CSMD3: variants seen among roughly 807,000 people sequenced by gnomAD.
CSMD3 encodes the protein CUB and sushi domain-containing protein 3.
A neutral mutation model predicts 435.2 loss-of-function variants in CSMD3; 177 were observed. The ratio of observed to expected loss-of-function variants is 0.41; its 90% CI spans 0.36 to 0.46. The LOEUF (loss-of-function observed/expected upper bound fraction) is 0.46, where lower values mean the gene tolerates loss of function less well. Among genes scored for constraint, CSMD3 ranks in the 20% least tolerant of loss-of-function variants. The probability of loss-of-function intolerance (pLI) is 0.34; values close to 1 mark genes in which losing one functional copy is unlikely to be tolerated. For synonymous variants in CSMD3, 1,656 were observed against 1,520.5 expected, an observed-to-expected ratio of 1.09 and a Z score of -2.07; for missense variants, 4,265 against 4,504.6, an observed-to-expected ratio of 0.95 and a Z score of 1.52.
At chr8:112,902,142 C>T (rs146471636) in intron 10 of CSMD3, among the ~76,000 whole-genome samples, 271 of 151,358 alleles carry the variant, frequency 1.8e-3, no homozygotes, top group Middle Eastern at 0.014. Context: ...GTTTTACCCA[C>T]TGGGCTTCTG....
intron 3 of CSMD3, among the ~76,000 whole-genome samples, chr8:113,179,974 A>G (rs987456477): frequency 2.0e-5 from 3 of 151,906 alleles, no homozygotes; most frequent in African/African-American, 7.2e-5. Flanking sequence ...AATGGGAATG[A>G]AAAATTTAAA....
At chr8:112,320,917 T>C (rs1485191863) in intron 45 of CSMD3, among the ~76,000 whole-genome samples, 1 of 152,158 alleles carries the variant, frequency 6.6e-6, no homozygotes, top group Non-Finnish European at 1.5e-5. Context: ...TTTCTAATTA[T>C]GATATCACTT....
At chr8:113,376,569 C>T in intron 1 of CSMD3, 1 of 675,140 alleles carries the variant, frequency 1.5e-6, no homozygotes, top group Non-Finnish European at 2.5e-6. Context: ...CCAAAATAAA[C>T]TAATATATAA....
intron 3 of CSMD3, among the ~76,000 whole-genome samples, chr8:113,266,409 T>G (rs1291700429): frequency 1.3e-5 from 2 of 151,302 alleles, no homozygotes; most frequent in Non-Finnish European, 3.0e-5. Context: ...AAGCAATGTT[T>G]TTTGTTCTAA....
intron 12 of CSMD3, among the ~76,000 whole-genome samples, chr8:112,805,673 C>T (rs549904047): frequency 3.3e-5 from 5 of 152,272 alleles, no homozygotes; most frequent in Non-Finnish European, 5.9e-5. Context: ...TGCTACCATC[C>T]TCTGCAAAGT....
At chr8:113,124,820 T>C (rs1207097010) in intron 4 of CSMD3, among the ~76,000 whole-genome samples, 1 of 152,050 alleles carries the variant, frequency 6.6e-6, no homozygotes. Context: ...TCTATACTCC[T>C]GCATTATTGC....
At position 112,337,534 on chromosome 8, in the gene CSMD3, G is replaced by T; in HGVS notation, c.6841+9C>A. On this transcript the variant is annotated intron_variant, in intron 43 of 70. Transcript: ENST00000297405. ...TCACCTAAAAGATAGCTTCAAGTTA[G>T]AAGCATACCTTCACACCTTGGAAGT... The T allele has an allele frequency of 6.2e-7, 1 of 1,609,866 alleles. No homozygotes were observed. Among genetic ancestry groups the T allele is most frequent in the Non-Finnish European group, 8.5e-7 (1 of 1,176,172 alleles).
intron 6 of CSMD3, among the ~76,000 whole-genome samples, chr8:113,015,392 T>C (rs1215889519): frequency 6.6e-6 from 1 of 152,016 alleles, no homozygotes; most frequent in South Asian, 2.1e-4. Context: ...AAAATAAATT[T>C]CTGTAAAATA....
Position 112,573,597 on chromosome 8 carries a change from G to T in CSMD3, c.3946C>A (p.Arg1316Ser). The T allele has an allele frequency of 6.2e-7, 1 of 1,612,882 alleles. No homozygotes were observed. Among genetic ancestry groups the T allele is most frequent in the Middle Eastern group, 1.7e-4 (1 of 6,056 alleles). The change falls in exon 24 of 71, where the codon CGC (arginine) becomes AGC (serine). Residue 1316 changes from arginine (R) to serine (S), a missense_variant. Physicochemically the swap from Arg to Ser is moderately radical, Grantham distance 110 (BLOSUM62 -1). Coordinates refer to ENST00000297405, the MANE Select transcript of CSMD3 (RefSeq NM_198123.2). ...LLGAFTGASM[R>S]GLTLSSTSNQ... ...GAAGTACTACTAAGTGTCAGTCCGC[G>T]CATAGATGCACCAGTAAAAGCACCT...
intron 2 of CSMD3, among the ~76,000 whole-genome samples, chr8:113,302,278 T>TTGTAATA (rs2093776921): frequency 4.6e-5 from 1 of 21,672 alleles, no homozygotes; most frequent in Non-Finnish European, 7.0e-5. Context: ...TAATATATAA[T>TTGTAATA]TATAATATAT....
chr8:112,930,826 T>G (rs1280943583), intron 9 of CSMD3, among the ~76,000 whole-genome samples: 1 of 152,108 alleles, frequency 6.6e-6, no homozygotes, highest in African/African-American at 2.4e-5. Flanking sequence ...TTTTATACAC[T>G]GGAAGGACCA....
At position 113,033,966 on chromosome 8, in the gene CSMD3, ACTCT is replaced by A. The variant is rs1447406018; in HGVS notation, c.918-14791_918-14788del. 6.6e-5 allele frequency among the ~76,000 whole-genome samples: 10 copies of A among 150,638 alleles called. 1 individual carries two copies. The highest frequency in any genetic ancestry group is 1.0e-4 in the Non-Finnish European group (7 of 67,564). On this transcript the variant is annotated intron_variant, in intron 5 of 70. Transcript: ENST00000297405. ...TTAAAAGTGGCAATTTCCCCTGTAT[ACTCT>A]CTCTATCTCCTGCCACCATGTAAGA...
chr8:112,361,572 C>CATACATAT lies in CSMD3; in HGVS notation c.6137-9039_6137-9038insATATGTAT, dbSNP rs1314097693. Among the ~76,000 whole-genome samples, 20 of 107,192 alleles carry CATACATAT rather than the reference C, an allele frequency of 1.9e-4. 2 individuals are homozygous for CATACATAT. Among genetic ancestry groups the CATACATAT allele is most frequent in the African/African-American group, 5.2e-4 (15 of 29,120 alleles). 70.3% of individuals were successfully genotyped at this position (107,192 alleles called of 152,430 possible). A position where few individuals can be genotyped will look rare whatever the true frequency, so the allele number is the denominator to read the frequency against. ...GTGTGTATGTATATATATACACATA[C>CATACATAT]ATATATATATATATATATATATATA... On this transcript the variant is annotated intron_variant, in intron 38 of 70. Coordinates refer to ENST00000297405, the MANE Select transcript of CSMD3 (RefSeq NM_198123.2).
intron 4 of CSMD3, among the ~76,000 whole-genome samples, chr8:113,163,765 C>T (rs1564381695): frequency 6.6e-6 from 1 of 151,970 alleles, no homozygotes; most frequent in East Asian, 1.9e-4. Flanking sequence ...TCATACTTGA[C>T]CAGTGACATT....
At chr8:112,446,312 G>A (rs1035193677) in intron 32 of CSMD3, among the ~76,000 whole-genome samples, 1 of 152,142 alleles carries the variant, frequency 6.6e-6, no homozygotes, top group Non-Finnish European at 1.5e-5. Flanking sequence ...GTTAAATATG[G>A]CACTAACTCT....
chr8:113,257,316 C>G (rs1428563415), intron 3 of CSMD3, among the ~76,000 whole-genome samples: 3 of 152,204 alleles, frequency 2.0e-5, no homozygotes, highest in African/African-American at 7.2e-5. Flanking sequence ...AAGGCTGAGG[C>G]AGGAGAATGG....
intron 10 of CSMD3, among the ~76,000 whole-genome samples, chr8:112,904,373 T>A (rs1342969824): frequency 1.3e-5 from 2 of 151,446 alleles, no homozygotes; most frequent in Non-Finnish European, 3.0e-5. Flanking sequence ...TAAAACATCA[T>A]CTTGTACATG....
At chr8:112,305,440 CAA>C (rs1809208088) in intron 51 of CSMD3, among the ~76,000 whole-genome samples, 1 of 151,932 alleles carries the variant, frequency 6.6e-6, no homozygotes, top group Non-Finnish European at 1.5e-5. Context: ...AGAGAAAATT[CAA>C]GAGTTTATTC....
intron 13 of CSMD3, among the ~76,000 whole-genome samples, chr8:112,795,386 A>C (rs1353759296): frequency 6.6e-6 from 1 of 152,202 alleles, no homozygotes; most frequent in Non-Finnish European, 1.5e-5. Flanking sequence ...CAATGGATAC[A>C]GAAAAATGTT....
Sources: allele counts gnomAD v4.1 joint callset (sites outside exome capture counted in the v4.1 genomes callset), GRCh38; gene constraint gnomAD v4.1.1; transcripts MANE v1.5; gene names NCBI Gene and HGNC (gene_info 2026-07-23, HGNC 2026-07-21).